Variants in ANKMY1 observed in about 807,000 individuals in gnomAD.
The protein encoded by ANKMY1 is ankyrin repeat and MYND domain-containing protein 1.
In ANKMY1, 98 loss-of-function variants were observed where a neutral mutation model predicts 102.0. The ratio of observed to expected loss-of-function variants is 0.96; its 90% CI spans 0.82 to 1.14. ANKMY1 has a LOEUF of 1.14. Ranked by LOEUF, ANKMY1 falls within the 50% of genes most tolerant of loss-of-function variation. ANKMY1 has a pLI of 0.00. For missense variants in ANKMY1, 1,330 were observed against 1,347.6 expected, an observed-to-expected ratio of 0.99 and a Z score of 0.20; for synonymous variants, 582 against 559.9, an observed-to-expected ratio of 1.04 and a Z score of -0.56.
chr2:240,512,679 G>A (rs926983310), intron 10 of ANKMY1, 123 bp downstream of exon 10: 3 of 1,316,476 alleles, frequency 2.3e-6, no homozygotes, highest in Non-Finnish European at 3.0e-6. Context: ...GATTTCCACT[G>A]CCCAGGCCCC....
rs947628806 is a variant in ANKMY1 at position 240,520,738 on chromosome 2, A to G, written c.1833-205T>C. ...CTACACACAAGCCACACCAGAGCGC[A>G]CACACACGGCACACACAGCACACCA... On this transcript the variant is annotated intron_variant, in intron 8 of 17. Coordinates refer to ENST00000401804, the MANE Select transcript of ANKMY1 (RefSeq NM_001282771.3). This position sits in a 1 kb window ranked among gnomAD's most constrained non-coding sequence, Gnocchi z 4.8. 5.3e-5 allele frequency among the ~76,000 whole-genome samples: 8 copies of G among 151,356 alleles called. No individual in the cohort carries two copies. Among genetic ancestry groups the G allele is most frequent in the South Asian group, 2.1e-4 (1 of 4,778 alleles).
chr2:240,526,063 T>C, intron 6 of ANKMY1, 166 bp downstream of exon 6: 1 of 992,682 alleles, frequency 1.0e-6, no homozygotes. Context: ...AGTGTCACAC[T>C]CAGCTGAGTG....
At position 240,552,951 on chromosome 2, in the gene ANKMY1, C is replaced by A; in HGVS notation, c.443G>T (p.Gly148Val). ...TGTCTTCATGTACATGGTGCCGTAG[C>A]CTTCTCGGTGGCTGAGGTAAAATGT... ...TGTFYLSHRE[G>V]YGTMYMKTRL... Residue 148 changes from glycine (G) to valine (V), a missense_variant, in exon 4 of 18, where the codon GGC becomes GTC. Transcript: ENST00000401804. 2.5e-6 allele frequency: 4 copies of A among 1,614,068 alleles called. No homozygotes were observed. The highest frequency in any genetic ancestry group is 2.5e-6 in the Non-Finnish European group (3 of 1,180,036).
At chr2:240,500,679 T>C in intron 13 of ANKMY1, 114 bp from the exon 14 acceptor site, 1 of 841,834 alleles carries the variant, frequency 1.2e-6, no homozygotes, top group Non-Finnish European at 1.9e-6. Context: ...AGGCCGCCCT[T>C]GCAGTGTGCG....
the ANKMY1 span, among the ~76,000 whole-genome samples, chr2:240,472,427 G>A: frequency 1.3e-5 from 2 of 152,218 alleles, no homozygotes; most frequent in Admixed American, 1.3e-4. Flanking sequence ...CAGGCCTACA[G>A]ACCTCAGTCT....
At chr2:240,476,669 A>G (rs74615714), downstream of ANKMY1, among the ~76,000 whole-genome samples, 3,585 of 152,278 alleles carry the variant, frequency 0.024, 144 homozygotes, top group African/African-American at 0.082. Context: ...GAAATGGATT[A>G]CTCGATCACG....
rs1426825208 is a variant in ANKMY1 at position 240,557,369 on chromosome 2, G to A, written c.-17-17C>T. 6.9e-7 allele frequency: 1 copy of A among 1,456,916 alleles called. No individual in the cohort carries two copies. The highest frequency in any genetic ancestry group is 1.4e-5 in the African/African-American group (1 of 68,994). 90.2% of individuals were successfully genotyped at this position (1,456,916 alleles called of 1,614,324 possible). On this transcript the variant is annotated splice_polypyrimidine_tract_variant and intron_variant, in intron 1 of 17. Transcript: ENST00000401804. ...TCTTCCAACCTGCAAGCGACGTCAG[G>A]ACCGCACATGTGCCCCCAGGGCTCC...
chr2:240,481,193 T>G, intron 16 of ANKMY1, 96 bp from the exon 17 acceptor site: 2 of 1,475,430 alleles, frequency 1.4e-6, no homozygotes, highest in Non-Finnish European at 1.8e-6. Context: ...CCTGAGCTCC[T>G]GGGCTATTCC....
intron 4 of ANKMY1, 69 bp downstream of exon 4, chr2:240,552,845 C>A: frequency 1.2e-6 from 2 of 1,607,844 alleles, no homozygotes; most frequent in South Asian, 1.1e-5. Context: ...ACCGAAATAT[C>A]TTTTTGTCCA....
intron 15 of ANKMY1, among the ~76,000 whole-genome samples, chr2:240,483,525 G>A (rs1476142662): frequency 6.6e-6 from 1 of 152,160 alleles, no homozygotes; most frequent in East Asian, 1.9e-4. Flanking sequence ...TTTATCCAAT[G>A]TGACAATCTC....
intron 4 of ANKMY1, among the ~76,000 whole-genome samples, chr2:240,544,063 G>A (rs2089685034): frequency 6.6e-6 from 1 of 152,154 alleles, no homozygotes; most frequent in Non-Finnish European, 1.5e-5. Context: ...TTATCTAAAG[G>A]TTAGTTCAAA....
chr2:240,478,119 C>T (rs1200233896), downstream of ANKMY1, among the ~76,000 whole-genome samples: 1 of 152,182 alleles, frequency 6.6e-6, no homozygotes, highest in Non-Finnish European at 1.5e-5. Context: ...CCCTTCCTCC[C>T]GCTCCAGCCA....
rs1286290077 is a variant in ANKMY1 at position 240,520,773 on chromosome 2, C to T, written c.1833-240G>A. ...CACACACAGCACACCACACAGCACA[C>T]TCACAACCACACCCACAGCACACCA... On this transcript the variant is annotated intron_variant, in intron 8 of 17. Transcript: ENST00000401804. The surrounding 1 kb of genome is among the most constrained non-coding windows in gnomAD (Gnocchi z 4.8). Among the ~76,000 whole-genome samples the T allele has an allele frequency of 2.0e-5, 3 of 147,706 alleles. No homozygotes were observed. Among genetic ancestry groups the T allele is most frequent in the Admixed American group, 1.3e-4 (2 of 14,828 alleles).
chr2:240,554,921 T>TC lies in ANKMY1; in HGVS notation c.280dup (p.Glu94GlyfsTer116). ...TCCAAGCTTCATGTTCAACCCAAAC[T>TC]CCCCCTGGTACATGCAACCATCCTG... On this transcript the variant is annotated frameshift_variant, in exon 3 of 18. Transcript: ENST00000401804. LOFTEE classifies it high-confidence loss of function. 1 of 1,613,848 alleles carries TC rather than the reference T, an allele frequency of 6.2e-7. No individual in the cohort carries two copies. Among genetic ancestry groups the TC allele is most frequent in the South Asian group, 1.1e-5 (1 of 91,074 alleles).
chr2:240,474,469 G>A (rs575041512), downstream of ANKMY1, among the ~76,000 whole-genome samples: 136 of 151,980 alleles, frequency 8.9e-4, no homozygotes, highest in African/African-American at 2.4e-3. Flanking sequence ...TCTTATATAG[G>A]TAAACTCGTG....
chr2:240,504,951 CA>C (rs1272913283), intron 13 of ANKMY1, among the ~76,000 whole-genome samples: 5 of 152,158 alleles, frequency 3.3e-5, no homozygotes, highest in Non-Finnish European at 7.3e-5. Context: ...CACATCACTG[CA>C]CTCCTGCCTG....
chr2:240,524,495 T>C lies in ANKMY1; in HGVS notation c.1336-114A>G, dbSNP rs189757427. On this transcript the variant is annotated intron_variant, in intron 7 of 17. Coordinates refer to ENST00000401804, the MANE Select transcript of ANKMY1 (RefSeq NM_001282771.3). ...GGCCTAGAGCTGTCTTCAAAGCAGC[T>C]AGGCTGAAAAGACCAGGGCAGCTTT... The C allele has an allele frequency of 1.6e-5, 20 of 1,235,798 alleles. No homozygotes were observed. The East Asian group carries it at 4.7e-4, about 29-fold the overall frequency. The allele number at this position is 1,235,798 out of a possible 1,614,324, so 76.6% of individuals were successfully genotyped here. A position where few individuals can be genotyped will look rare whatever the true frequency, so the allele number is the denominator to read the frequency against.
intron 4 of ANKMY1, among the ~76,000 whole-genome samples, chr2:240,548,150 A>G: frequency 6.6e-6 from 1 of 152,180 alleles, no homozygotes; most frequent in East Asian, 1.9e-4. Flanking sequence ...CAGCACATCA[A>G]AAAGCTTATC....
chr2:240,552,992 G>C lies in ANKMY1; in HGVS notation c.402C>G (p.Gly134=), dbSNP rs370295772. Residue 134 remains glycine, a synonymous_variant, in exon 4 of 18, where the codon GGC becomes GGG. Transcript: ENST00000401804. The part of the protein sequence containing the change: ...HGLGTYMWPD[G]SSFTGTFYLS... ...GGTAAAATGTGCCCGTGAAACTGGA[G>C]CCATCTGGCCACATGTAGGTACCCA... The C allele has an allele frequency of 2.5e-6, 4 of 1,613,920 alleles. No homozygotes were observed. The highest frequency in any genetic ancestry group is 3.4e-6 in the Non-Finnish European group (4 of 1,180,016).
Sources: gnomAD v4.1 joint callset for allele counts (sites outside exome capture counted in the v4.1 genomes callset) on GRCh38, gnomAD v4.1.1 for gene constraint, Gnocchi (gnomAD v3.1) non-coding constraint, MANE v1.5 for transcripts, NCBI Gene and HGNC (gene_info 2026-07-23, HGNC 2026-07-21) for gene names.